UTRN: variants seen among roughly 807,000 people sequenced by gnomAD.
The protein encoded by UTRN is utrophin.
A neutral mutation model predicts 463.9 loss-of-function variants in UTRN; 283 were observed. That is an observed-to-expected ratio of 0.61 (90% CI 0.55 to 0.67). The LOEUF (loss-of-function observed/expected upper bound fraction) is 0.67. Among genes scored for constraint, UTRN ranks in the 30% least tolerant of loss-of-function variants. The pLI is 0.00. For missense variants in UTRN, 3,922 were observed against 4,084.3 expected, an observed-to-expected ratio of 0.96 and a Z score of 1.08; for synonymous variants, 1,442 against 1,431.5, an observed-to-expected ratio of 1.01 and a Z score of -0.17.
chr6:144,805,001 A>C (rs1778020627), intron 65 of UTRN, among the ~76,000 whole-genome samples: 1 of 152,082 alleles, frequency 6.6e-6, no homozygotes, highest in Admixed American at 6.6e-5. Context: ...GGGTCATCCT[A>C]GGGATGTGGT....
At chr6:144,587,689 T>C (rs1802603083) in intron 51 of UTRN, among the ~76,000 whole-genome samples, 2 of 152,132 alleles carry the variant, frequency 1.3e-5, no homozygotes, top group Non-Finnish European at 2.9e-5. Flanking sequence ...AGGAGAACCC[T>C]GCTCTCCTTG....
intron 51 of UTRN, among the ~76,000 whole-genome samples, chr6:144,591,739 C>T (rs1024225559): frequency 1.3e-5 from 2 of 151,638 alleles, no homozygotes; most frequent in African/African-American, 4.9e-5. Context: ...TCTAAACTCA[C>T]CCCCCAAAAT....
chr6:144,832,066 G>C (rs1780718596), intron 69 of UTRN, among the ~76,000 whole-genome samples: 1 of 151,928 alleles, frequency 6.6e-6, no homozygotes, highest in African/African-American at 2.4e-5. Flanking sequence ...ATATTTCCTT[G>C]GTGCAAACCT....
At chr6:144,728,202 G>T (rs893429272) in intron 53 of UTRN, among the ~76,000 whole-genome samples, 1 of 149,206 alleles carries the variant, frequency 6.7e-6, no homozygotes, top group East Asian at 2.0e-4. Flanking sequence ...AAATAATTTT[G>T]CTATATTACC....
chr6:144,703,813 A>G (rs1415822865), intron 53 of UTRN, among the ~76,000 whole-genome samples: 2 of 152,220 alleles, frequency 1.3e-5, no homozygotes, highest in Non-Finnish European at 2.9e-5. Flanking sequence ...ACAGAAAACC[A>G]TTTTAAGGAC....
intron 53 of UTRN, among the ~76,000 whole-genome samples, chr6:144,705,534 G>C (rs577178145): frequency 6.6e-6 from 1 of 152,278 alleles, no homozygotes; most frequent in Admixed American, 6.5e-5. Context: ...TCCTCCCATA[G>C]TGGAAGGTAG....
chr6:144,359,586 T>G (rs531338896), intron 2 of UTRN, among the ~76,000 whole-genome samples: 11 of 152,354 alleles, frequency 7.2e-5, no homozygotes, highest in African/African-American at 2.6e-4. Flanking sequence ...CCAGCCAGTA[T>G]TGAATTGTGA....
intron 50 of UTRN, among the ~76,000 whole-genome samples, chr6:144,561,217 A>T (rs1176854497): frequency 1.9e-4 from 4 of 21,418 alleles, no homozygotes; most frequent in African/African-American, 4.0e-4. Context: ...ATATATATAT[A>T]TATATATATA....
At chr6:144,629,231 TAA>T (rs569104804) in intron 51 of UTRN, among the ~76,000 whole-genome samples, 2 of 145,614 alleles carry the variant, frequency 1.4e-5, no homozygotes, top group Non-Finnish European at 3.0e-5. Flanking sequence ...CTACATAGTT[TAA>T]AAAAAAAAAG....
intron 9 of UTRN, among the ~76,000 whole-genome samples, 174 bp downstream of exon 9, chr6:144,429,915 T>A (rs895912661): frequency 1.3e-5 from 2 of 152,188 alleles, no homozygotes; most frequent in African/African-American, 4.8e-5. Context: ...ATGTGTGTAA[T>A]AGAACACCAT....
Position 144,793,830 on chromosome 6 carries a change from G to A in UTRN, c.8921-4G>A, listed in dbSNP as rs935907335. 4 of 1,613,092 alleles carry A rather than the reference G, an allele frequency of 2.5e-6. No individual in the cohort carries two copies. The highest frequency in any genetic ancestry group is 1.1e-5 in the South Asian group (1 of 90,892). ...GAAAGTTAACCTCTTGCCTCTCTTT[G>A]CAGATCTCTTTAAGGAAGTTGCAGG... On this transcript the variant is annotated splice_polypyrimidine_tract_variant and splice_region_variant and intron_variant, in intron 62 of 74. Transcript: ENST00000367545.
chr6:144,374,544 C>T lies in UTRN; in HGVS notation c.80-28579C>T, dbSNP rs192209878. Among the ~76,000 whole-genome samples the T allele has an allele frequency of 2.8e-3, 423 of 151,274 alleles. 3 individuals are homozygous for T. Among genetic ancestry groups the T allele is most frequent in the Middle Eastern group, 0.014 (4 of 294 alleles). On this transcript the variant is annotated intron_variant, in intron 2 of 74. Transcript: ENST00000367545. Reference sequence around the variant, plus strand: ...CTGTCACCAGGCTGGAGTGCAGTGGCGTGATCTCGGCTCATTGCAACCTCC... The same window carrying T: ...CTGTCACCAGGCTGGAGTGCAGTGGTGTGATCTCGGCTCATTGCAACCTCC...
intron 65 of UTRN, among the ~76,000 whole-genome samples, chr6:144,814,816 A>G (rs2128751158): frequency 6.6e-6 from 1 of 152,340 alleles, no homozygotes; most frequent in Middle Eastern, 3.4e-3. Flanking sequence ...GTCTAGGTCT[A>G]TCATCTCTTG....
chr6:144,701,652 C>T (rs1490392727), intron 53 of UTRN, among the ~76,000 whole-genome samples: 2 of 152,168 alleles, frequency 1.3e-5, no homozygotes, highest in African/African-American at 4.8e-5. Flanking sequence ...TGAAAGTTCT[C>T]ATTCTAAATC....
At chr6:144,608,788 A>G (rs200664517) in intron 51 of UTRN, among the ~76,000 whole-genome samples, 2 of 129,356 alleles carry the variant, frequency 1.5e-5, no homozygotes, top group African/African-American at 3.1e-5. Flanking sequence ...CGACCTCTCT[A>G]TGTGCTTTGC....
At chr6:144,704,693 G>A (rs1000000211) in intron 53 of UTRN, among the ~76,000 whole-genome samples, 3 of 152,142 alleles carry the variant, frequency 2.0e-5, no homozygotes, top group African/African-American at 7.2e-5. Context: ...GCTGGGCGTG[G>A]TGGCTCACAC....
At chr6:144,804,968 C>T (rs768546862) in intron 65 of UTRN, among the ~76,000 whole-genome samples, 14 of 152,206 alleles carry the variant, frequency 9.2e-5, no homozygotes, top group South Asian at 2.1e-4. Flanking sequence ...AGGGGTCAGA[C>T]GCCTTAATAA....
intron 58 of UTRN, among the ~76,000 whole-genome samples, chr6:144,768,957 TG>T (rs200506275): frequency 0.14 from 19,502 of 141,556 alleles, 1,776 homozygotes; most frequent in East Asian, 0.41. Flanking sequence ...TGTTTTGTTT[TG>T]TTTTTTTTTT....
intron 25 of UTRN, among the ~76,000 whole-genome samples, chr6:144,477,576 T>G (rs1247944026): frequency 6.6e-6 from 1 of 151,878 alleles, no homozygotes; most frequent in Admixed American, 6.6e-5. Context: ...ACACCCTTTT[T>G]TTTTGGTACT....
Sources: allele counts gnomAD v4.1 joint callset (sites outside exome capture counted in the v4.1 genomes callset), GRCh38; gene constraint gnomAD v4.1.1; transcripts MANE v1.5; gene names NCBI Gene and HGNC (gene_info 2026-07-23, HGNC 2026-07-21).